ZNF154: variants seen among roughly 807,000 people sequenced by gnomAD.
The protein encoded by ZNF154 is zinc finger protein 154 (pHZ-92).
In ZNF154, 6 loss-of-function variants were observed where a neutral mutation model predicts 7.5. That is an observed-to-expected ratio of 0.80 (90% CI 0.44 to 1.57). The LOEUF (loss-of-function observed/expected upper bound fraction) is 1.57, where lower values mean the gene tolerates loss of function less well. Ranked by LOEUF, ZNF154 falls within the 40% of genes most tolerant of loss-of-function variation. ZNF154 has a pLI of 0.01. For missense variants in ZNF154, 485 were observed against 531.4 expected, an observed-to-expected ratio of 0.91 and a Z score of 0.86; for synonymous variants, 187 against 185.9, an observed-to-expected ratio of 1.01 and a Z score of -0.05.
chr19:57,701,907 G>A lies in ZNF154; in HGVS notation c.1042C>T (p.Arg348Trp), dbSNP rs202179866. The change falls in exon 3 of 3, where the codon CGG becomes TGG. Residue 348 changes from arginine to tryptophan, a missense_variant. Physicochemically the swap from Arg to Trp is moderately radical, Grantham distance 101 (BLOSUM62 -3). Transcript: ENST00000684351. ...GGCCTCTCCCCAGTGTGAACTCCCC[G>A]ATGTTGAAGGAGTGCAGACCTTTGG... ...FSQRSALLQH[R>W]GVHTGERPYE... 224 of 1,613,898 alleles carry A rather than the reference G, an allele frequency of 1.4e-4. No individual in the cohort carries two copies. Among genetic ancestry groups the A allele is most frequent in the Non-Finnish European group, 1.7e-4 (203 of 1,179,974 alleles).
Position 57,697,514 on chromosome 19 carries a change from C to T in ZNF154, c.*4121G>A, listed in dbSNP as rs1568459646. ...CATTTGGATCCTGAATAAAAATGAT[C>T]TTCCTTAAGAAACACATTGTTTTAG... is the stretch of plus-strand genomic sequence containing the variant. On this transcript the variant is annotated 3_prime_UTR_variant, in exon 3 of 3. Transcript: ENST00000684351. 6.6e-6 allele frequency: 1 copy of T among 152,126 alleles called. No individual in the cohort carries two copies. The highest frequency in any genetic ancestry group is 6.6e-5 in the Admixed American group (1 of 15,262). 9.4% of individuals were successfully genotyped at this position (152,126 alleles called of 1,614,324 possible). A position where few individuals can be genotyped will look rare whatever the true frequency, so the allele number is the denominator to read the frequency against.
At chr19:57,704,797 A>C in intron 2 of ZNF154, 56 bp downstream of exon 2, 1 of 1,576,786 alleles carries the variant, frequency 6.3e-7, no homozygotes, top group Non-Finnish European at 8.6e-7. Context: ...GCCTATAGAG[A>C]AAAGAGGAAG....
chr19:57,703,980 G>C (rs1030027781), intron 2 of ZNF154, among the ~76,000 whole-genome samples: 1 of 152,168 alleles, frequency 6.6e-6, no homozygotes, highest in African/African-American at 2.4e-5. Context: ...CTGCACTCCA[G>C]CCTGGGTGAC....
In ZNF154 at chr19:57,697,464, C is replaced by G. The variant is rs941788755; in HGVS notation, c.*4171G>C. On this transcript the variant is annotated 3_prime_UTR_variant, in exon 3 of 3. Transcript: ENST00000684351. The stretch of plus-strand genomic sequence containing the variant: ...CTGTAGGTTACAGACTTATGAGATA[C>G]AACTACTGAAAGCTATTAAATATAC... The G allele has an allele frequency of 6.6e-6, 1 of 152,132 alleles. No homozygotes were observed. Among genetic ancestry groups the G allele is most frequent in the Non-Finnish European group, 1.5e-5 (1 of 68,032 alleles). 9.4% of individuals were successfully genotyped at this position (152,132 alleles called of 1,614,324 possible). A position where few individuals can be genotyped will look rare whatever the true frequency, so the allele number is the denominator to read the frequency against.
Position 57,701,810 on chromosome 19 carries a change from G to A in ZNF154, c.1139C>T (p.Thr380Ile). Residue 380 changes from threonine to isoleucine, a missense_variant, in exon 3 of 3, where the codon ACT becomes ATT. Coordinates refer to ENST00000684351, the MANE Select transcript of ZNF154 (RefSeq NM_001085384.3). ...ACTGCACTCATAGGGTCTTGATCCAGTGTGAACTCTCTGGTGTTTTCGGAG... is the reference window on the plus strand; with the variant it reads ...ACTGCACTCATAGGGTCTTGATCCAATGTGAACTCTCTGGTGTTTTCGGAG... Reference protein sequence around the residue: ...SSLRKHQRVHTGSRPYECSEC... With the variant: ...SSLRKHQRVHIGSRPYECSEC... The A allele has an allele frequency of 6.2e-7, 1 of 1,614,076 alleles. No individual in the cohort carries two copies. Among genetic ancestry groups the A allele is most frequent in the Non-Finnish European group, 8.5e-7 (1 of 1,180,020 alleles).
chr19:57,704,732 C>A, intron 2 of ZNF154, 121 bp downstream of exon 2: 2 of 1,354,066 alleles, frequency 1.5e-6, no homozygotes, highest in East Asian at 2.4e-5. Flanking sequence ...CAGAACTATG[C>A]AGGGAACTGA....
rs1328195405 is a variant in ZNF154, at chr19:57,701,950, T to G, written c.999A>C (p.Glu333Asp). Residue 333 changes from glutamate to aspartate, a missense_variant, in exon 3 of 3, where the codon GAA becomes GAC. By Grantham distance (45) the Glu-to-Asp change is conservative. Transcript: ENST00000684351. ...HTGERPYKCS[E>D]CGKSFSQRSA... ...ACCTTTGGCTAAAGGATTTCCCACA[T>G]TCGCTGCACTTATAAGGCCTTTCTC... 6.2e-7 allele frequency: 1 copy of G among 1,612,838 alleles called. No individual in the cohort carries two copies. Among genetic ancestry groups the G allele is most frequent in the African/African-American group, 1.3e-5 (1 of 74,450 alleles).
At position 57,701,723 on chromosome 19, in the gene ZNF154, C is replaced by T. The variant is rs200045380; in HGVS notation, c.1226G>A (p.Gly409Glu). ...GLIKHRRVHT[G>E]EKPYECTECG... ...TTCCGTGCACTCATAAGGCTTCTCC[C>T]CAGTGTGAACCCTCCTGTGCTTAAT... The change falls in exon 3 of 3, where the codon GGG becomes GAG. Residue 409 changes from glycine to glutamate, a missense_variant. Gly to Glu is a moderately conservative substitution (Grantham distance 98). Coordinates refer to ENST00000684351, the MANE Select transcript of ZNF154 (RefSeq NM_001085384.3). 445 of 1,614,182 alleles carry T rather than the reference C, an allele frequency of 2.8e-4. 2 individuals carry two copies. The highest frequency in any genetic ancestry group is 1.7e-3 in the South Asian group (155 of 91,088).
At chr19:57,706,524 A>G (rs1985400777) in intron 1 of ZNF154, among the ~76,000 whole-genome samples, 1 of 152,240 alleles carries the variant, frequency 6.6e-6, no homozygotes, top group African/African-American at 2.4e-5. Context: ...AAAGTCATCA[A>G]AAAATCCTGG....
At chr19:57,702,833 A>G in intron 2 of ZNF154, 45 bp from the exon 3 acceptor site, 1 of 1,549,396 alleles carries the variant, frequency 6.5e-7, no homozygotes, top group East Asian at 2.3e-5. Flanking sequence ...ACCTCTATAT[A>G]ATTTCTGCCT....
chr19:57,705,334 T>C (rs1271150920), intron 1 of ZNF154, among the ~76,000 whole-genome samples: 1 of 152,150 alleles, frequency 6.6e-6, no homozygotes, highest in African/African-American at 2.4e-5. Context: ...GCCCACACCA[T>C]AGGCATCTCC....
At position 57,698,918 on chromosome 19, in the gene ZNF154, C is replaced by T. The variant is rs1985008494; in HGVS notation, c.*2717G>A. 1 of 152,042 alleles carries T rather than the reference C, an allele frequency of 6.6e-6. No individual in the cohort carries two copies. The highest frequency in any genetic ancestry group is 6.6e-5 in the Admixed American group (1 of 15,256). 9.4% of individuals were successfully genotyped at this position (152,042 alleles called of 1,614,324 possible). On this transcript the variant is annotated 3_prime_UTR_variant, in exon 3 of 3. Coordinates refer to ENST00000684351, the MANE Select transcript of ZNF154 (RefSeq NM_001085384.3). ...CAAACAATTCTCGTGCCTCAGGCTC[C>T]CCAGTAGCTGGGATTACAGGTGCAT...
At chr19:57,707,286 A>G (rs1220405127) in intron 1 of ZNF154, among the ~76,000 whole-genome samples, 1 of 152,104 alleles carries the variant, frequency 6.6e-6, no homozygotes, top group Non-Finnish European at 1.5e-5. Context: ...TCTCTGAAAC[A>G]TCTCAAACTC....
At chr19:57,708,518 A>T (rs918873995) in intron 1 of ZNF154, among the ~76,000 whole-genome samples, 1 of 152,040 alleles carries the variant, frequency 6.6e-6, no homozygotes, top group Non-Finnish European at 1.5e-5. Flanking sequence ...GGTTGCAGTG[A>T]CCCGAGATCG....
rs559231663 is a variant in ZNF154, at chr19:57,706,349, G to A, written c.34-1370C>T. 2.6e-4 allele frequency among the ~76,000 whole-genome samples: 40 copies of A among 152,124 alleles called. No individual in the cohort carries two copies. In the Middle Eastern group the frequency reaches 0.01, roughly 39 times the overall value. On this transcript the variant is annotated intron_variant, in intron 1 of 2. Coordinates refer to ENST00000684351, the MANE Select transcript of ZNF154 (RefSeq NM_001085384.3). ...ATACCCATGGCCCTATTCCACTTCC[G>A]TGCTGCACTTGCTAGCCCCTCAGCA...
In ZNF154 at chr19:57,700,104, A is replaced by G. The variant is rs1405363549; in HGVS notation, c.*1531T>C. ...TTGGAAAATCAGGTTTGACAACCCT[A>G]TGTTGATTCCACCATCTCTCTCCTC... On this transcript the variant is annotated 3_prime_UTR_variant, in exon 3 of 3. Transcript: ENST00000684351. 2 of 152,246 alleles carry G rather than the reference A, an allele frequency of 1.3e-5. No homozygotes were observed. The highest frequency in any genetic ancestry group is 2.1e-4 in the South Asian group (1 of 4,834). 9.4% of individuals were successfully genotyped at this position (152,246 alleles called of 1,614,324 possible). A position where few individuals can be genotyped will look rare whatever the true frequency, so the allele number is the denominator to read the frequency against.
rs907546625 is a variant in ZNF154, at chr19:57,697,445, G to T, written c.*4190C>A. The T allele has an allele frequency of 6.6e-6, 1 of 152,080 alleles. No individual in the cohort carries two copies. The highest frequency in any genetic ancestry group is 2.4e-5 in the African/African-American group (1 of 41,416). The allele number at this position is 152,080 out of a possible 1,614,324, so 9.4% of individuals were successfully genotyped here. A position where few individuals can be genotyped will look rare whatever the true frequency, so the allele number is the denominator to read the frequency against. On this transcript the variant is annotated 3_prime_UTR_variant, in exon 3 of 3. Coordinates refer to ENST00000684351, the MANE Select transcript of ZNF154 (RefSeq NM_001085384.3). ...AAACAAAGGTAAATGGAACCTGTAG[G>T]TTACAGACTTATGAGATACAACTAC...
chr19:57,707,555 C>T (rs1985442091), intron 1 of ZNF154, among the ~76,000 whole-genome samples: 2 of 152,178 alleles, frequency 1.3e-5, no homozygotes, highest in African/African-American at 4.8e-5. Context: ...CTCAACCCCA[C>T]AGTCTGCTCT....
At chr19:57,706,059 A>G (rs1209252494) in intron 1 of ZNF154, among the ~76,000 whole-genome samples, 1 of 152,158 alleles carries the variant, frequency 6.6e-6, no homozygotes, top group Non-Finnish European at 1.5e-5. Context: ...TTGGGAGAAG[A>G]GTAGGGAGGG....
Sources: allele counts gnomAD v4.1 joint callset (sites outside exome capture counted in the v4.1 genomes callset), GRCh38; gene constraint gnomAD v4.1.1; transcripts MANE v1.5; gene names NCBI Gene and HGNC (gene_info 2026-07-23, HGNC 2026-07-21).